Variants in ERG observed in about 807,000 individuals in gnomAD.
The protein encoded by ERG is ETS transcription factor ERG, also known as transcriptional regulator ERG.
Under a neutral mutation model 55.3 loss-of-function variants are expected in ERG, and 9 were observed. The ratio of observed to expected loss-of-function variants is 0.16; its 90% confidence interval spans 0.10 to 0.28. The LOEUF (loss-of-function observed/expected upper bound fraction) is 0.28, where lower values mean the gene tolerates loss of function less well. ERG is among the 10% of genes least tolerant of loss of function. The probability of loss-of-function intolerance (pLI) is 1.00; values close to 1 mark genes in which losing one functional copy is unlikely to be tolerated. For synonymous variants in ERG, 223 were observed against 237.3 expected (o/e 0.94, Z 0.55); for missense variants, 434 against 631.6 (o/e 0.69, Z 3.35).
rs371491066 is a variant in ERG, at chr21:38,429,423, ATG to A, written c.237-5864_237-5863del. ...CACATGTACATACGCACATATAAAC[ATG>A]TGTGTATACATGTATACACGTGTAC... On this transcript the variant is annotated intron_variant, in intron 2 of 9. Coordinates refer to ENST00000288319, the MANE Select transcript of ERG (RefSeq NM_182918.4). Among the ~76,000 whole-genome samples, 10 of 79,204 alleles carry A rather than the reference ATG, an allele frequency of 1.3e-4. 3 individuals carry two copies. The highest frequency in any genetic ancestry group is 1.9e-4 in the African/African-American group (5 of 25,888). 52.0% of individuals were successfully genotyped at this position (79,204 alleles called of 152,430 possible). A position where few individuals can be genotyped will look rare whatever the true frequency, so the allele number is the denominator to read the frequency against.
chr21:38,629,150 G>C (rs28465589), intron 1 of ERG, among the ~76,000 whole-genome samples: 26,040 of 152,116 alleles, frequency 0.17, 2,305 homozygotes, highest in East Asian at 0.29. Context: ...TTCCCCTGTG[G>C]GAGGCAGTGA....
chr21:38,499,842 G>A (rs2059407887), upstream of ERG, among the ~76,000 whole-genome samples: 1 of 148,900 alleles, frequency 6.7e-6, no homozygotes, highest in Non-Finnish European at 1.5e-5. Context: ...ATGGGAGGAA[G>A]GAGGGAGGAA....
Position 38,482,957 on chromosome 21 carries a change from C to G in ERG, c.18+15406G>C, listed in dbSNP as rs946749875. On this transcript the variant is annotated intron_variant, in intron 1 of 9. Coordinates refer to ENST00000288319, the MANE Select transcript of ERG (RefSeq NM_182918.4). ...CCTCACAAAGTGTTGGGATTACAAGCGTAGCCACCATGCCCGGCCCATTTA... is the reference window on the plus strand; with the variant it reads ...CCTCACAAAGTGTTGGGATTACAAGGGTAGCCACCATGCCCGGCCCATTTA... Among the ~76,000 whole-genome samples, 4 of 152,272 alleles carry G rather than the reference C, an allele frequency of 2.6e-5. No homozygotes were observed. In the East Asian group the frequency reaches 5.8e-4, roughly 22 times the overall value.
chr21:38,487,346 TATA>T (rs2059296005), intron 1 of ERG, among the ~76,000 whole-genome samples: 1 of 152,238 alleles, frequency 6.6e-6, no homozygotes, highest in African/African-American at 2.4e-5. Flanking sequence ...TCTAAACTCC[TATA>T]ATAATTGTTT....
chr21:38,517,665 A>C (rs1176111892), intron 2 of ERG, among the ~76,000 whole-genome samples: 13 of 152,194 alleles, frequency 8.5e-5, no homozygotes, highest in Admixed American at 8.5e-4. Flanking sequence ...CCACATGTTT[A>C]CCGCAGCACT....
At chr21:38,554,948 T>C (rs991453872) in intron 2 of ERG, among the ~76,000 whole-genome samples, 2 of 151,778 alleles carry the variant, frequency 1.3e-5, no homozygotes, top group Non-Finnish European at 1.5e-5. Context: ...TACAGATGAA[T>C]AGTTATATAA....
At chr21:38,371,129 T>C in the ERG span, among the ~76,000 whole-genome samples, 2 of 152,094 alleles carry the variant, frequency 1.3e-5, no homozygotes, top group Non-Finnish European at 2.9e-5. Context: ...CTCTTGCATA[T>C]CTTTATAGAA....
intron 1 of ERG, among the ~76,000 whole-genome samples, chr21:38,635,974 C>A (rs2060385710): frequency 6.6e-6 from 1 of 152,156 alleles, no homozygotes; most frequent in African/African-American, 2.4e-5. Flanking sequence ...CCATCCAAAT[C>A]TCATATTGAA....
intron 1 of ERG, among the ~76,000 whole-genome samples, chr21:38,577,774 G>A (rs1336402602): frequency 1.3e-5 from 2 of 152,174 alleles, no homozygotes; most frequent in Non-Finnish European, 2.9e-5. Flanking sequence ...CCTGCTCTGG[G>A]GAGCACATGG....
chr21:38,516,754 G>A (rs1222967827), intron 2 of ERG, among the ~76,000 whole-genome samples: 3 of 152,026 alleles, frequency 2.0e-5, no homozygotes, highest in African/African-American at 7.2e-5. Context: ...CATGATACTA[G>A]TATAAAAACA....
chr21:38,609,044 CA>C (rs1373132201), intron 1 of ERG, among the ~76,000 whole-genome samples: 1 of 152,094 alleles, frequency 6.6e-6, no homozygotes, highest in East Asian at 1.9e-4. Flanking sequence ...TTCTTGGGGA[CA>C]AGGGGATGGT....
At chr21:38,554,799 T>C (rs569076047) in intron 2 of ERG, among the ~76,000 whole-genome samples, 7 of 149,888 alleles carry the variant, frequency 4.7e-5, no homozygotes, top group Admixed American at 6.7e-5. Context: ...GTAACAAACG[T>C]ACACGTGTAC....
At chr21:38,456,028 G>A (rs918473857) in intron 1 of ERG, among the ~76,000 whole-genome samples, 4 of 152,126 alleles carry the variant, frequency 2.6e-5, no homozygotes, top group Non-Finnish European at 5.9e-5. Flanking sequence ...CAAGCTCCTC[G>A]TCTAAAATGA....
chr21:38,419,649 T>C (rs1025003707), intron 3 of ERG, among the ~76,000 whole-genome samples: 1 of 152,252 alleles, frequency 6.6e-6, no homozygotes, highest in Non-Finnish European at 1.5e-5. Flanking sequence ...TATGTATCTA[T>C]GTGAGCTTTC....
downstream of ERG, among the ~76,000 whole-genome samples, chr21:38,378,421 C>T (rs957663479): frequency 6.6e-6 from 1 of 152,204 alleles, no homozygotes; most frequent in African/African-American, 2.4e-5. Context: ...TGAATTTGGC[C>T]AATGGGCATC....
At chr21:38,643,875 T>A (rs991905959) in intron 1 of ERG, among the ~76,000 whole-genome samples, 2 of 152,190 alleles carry the variant, frequency 1.3e-5, no homozygotes, top group African/African-American at 4.8e-5. Flanking sequence ...GCTGGCCACG[T>A]GGGGCAGGAA....
rs1201801706 is a variant in ERG at position 38,408,811 on chromosome 21, T to A, written c.389-5102A>T. Among the ~76,000 whole-genome samples, 4 of 151,858 alleles carry A rather than the reference T, an allele frequency of 2.6e-5. No individual in the cohort carries two copies. The East Asian group carries it at 7.7e-4, about 29-fold the overall frequency. On this transcript the variant is annotated intron_variant, in intron 3 of 9. Transcript: ENST00000288319. Reference sequence around the variant, plus strand: ...TTTCTTGACCCCAACCACACATGTGTAGGAGGAAGGGGAGGGGACTACAGC... The same window carrying A: ...TTTCTTGACCCCAACCACACATGTGAAGGAGGAAGGGGAGGGGACTACAGC...
At chr21:38,515,528 T>C (rs1046801426) in intron 2 of ERG, among the ~76,000 whole-genome samples, 3 of 151,940 alleles carry the variant, frequency 2.0e-5, no homozygotes, top group Non-Finnish European at 4.4e-5. Context: ...CACCAAGCCA[T>C]TTCAAAAAAT....
At position 38,535,989 on chromosome 21, in the gene ERG, C is replaced by A. The variant is rs991130238; in HGVS notation, c.-41+39673G>T. Among the ~76,000 whole-genome samples, 44 of 152,108 alleles carry A rather than the reference C, an allele frequency of 2.9e-4. 1 individual carries two copies. The highest frequency in any genetic ancestry group is 6.3e-3 in the Middle Eastern group (2 of 316). ...ACATCTCATCCTCTTTCCTCCTTTACCCTGCCTAAGCAACCATTTCTGGAC... is the reference window on the plus strand; with the variant it reads ...ACATCTCATCCTCTTTCCTCCTTTAACCTGCCTAAGCAACCATTTCTGGAC... On this transcript the variant is annotated intron_variant, in intron 2 of 8. Transcript: ENST00000398897.
Sources: allele counts gnomAD v4.1 joint callset (sites outside exome capture counted in the v4.1 genomes callset), GRCh38; gene constraint gnomAD v4.1.1; transcripts MANE v1.5; gene names NCBI Gene and HGNC (gene_info 2026-07-23, HGNC 2026-07-21).